GRIK2: variants seen among roughly 807,000 people sequenced by gnomAD.
GRIK2 encodes glutamate ionotropic receptor kainate type subunit 2, also known as glutamate receptor ionotropic, kainate 2.
GRIK2 carries 32 observed loss-of-function variants against 100.3 expected under a neutral mutation model. That is an observed-to-expected ratio of 0.32 (90% CI 0.24 to 0.43). The LOEUF is 0.43. Ranked by LOEUF, GRIK2 falls within the 20% of genes least tolerant of loss-of-function variation. GRIK2 has a pLI of 1.00. For synonymous variants in GRIK2, 417 were observed against 389.4 expected (o/e 1.07, Z -0.83); for missense variants, 843 against 1,114.9 (o/e 0.76, Z 3.47).
chr6:101,818,673 T>G (rs1372402269), intron 10 of GRIK2, among the ~76,000 whole-genome samples, 190 bp downstream of exon 10: 6 of 152,184 alleles, frequency 3.9e-5, no homozygotes, highest in African/African-American at 7.2e-5. Flanking sequence ...TAAATTGTAT[T>G]AACGTTTGGG....
chr6:101,652,653 G>T (rs1056004335), intron 4 of GRIK2, among the ~76,000 whole-genome samples: 3 of 152,118 alleles, frequency 2.0e-5, no homozygotes, highest in Non-Finnish European at 4.4e-5. Context: ...ATAACAGTAT[G>T]TTTATATTCT....
intron 2 of GRIK2, among the ~76,000 whole-genome samples, chr6:101,601,782 C>T (rs1216039723): frequency 6.6e-6 from 1 of 151,692 alleles, no homozygotes; most frequent in Non-Finnish European, 1.5e-5. Flanking sequence ...GTAATGCCAC[C>T]TTCGACATTT....
intron 2 of GRIK2, among the ~76,000 whole-genome samples, chr6:101,588,672 A>ACG (rs1554224628): frequency 6.3e-5 from 9 of 142,892 alleles, no homozygotes; most frequent in African/African-American, 2.2e-4. Flanking sequence ...GCACACGCAC[A>ACG]CACACACACA....
chr6:101,955,621 C>A (rs906288589), intron 14 of GRIK2, among the ~76,000 whole-genome samples: 3 of 115,678 alleles, frequency 2.6e-5, no homozygotes, highest in African/African-American at 1.1e-4. Context: ...TCTCTCCCCC[C>A]CATTTCTTTT....
At chr6:101,505,928 G>A (rs147458216) in intron 2 of GRIK2, among the ~76,000 whole-genome samples, 4 of 151,878 alleles carry the variant, frequency 2.6e-5, no homozygotes, top group Admixed American at 2.0e-4. Context: ...ATGCAAAAAG[G>A]CTTTAAATTT....
chr6:101,792,691 G>C lies in GRIK2; in HGVS notation c.952-6957G>C, dbSNP rs574362757. Among the ~76,000 whole-genome samples the C allele has an allele frequency of 4.8e-3, 737 of 152,154 alleles. 5 individuals are homozygous for C. The highest frequency in any genetic ancestry group is 0.016 in the African/African-American group (682 of 41,478). ...AAATCTGACAATTATGTGTCTTGGAGTTGCTCTTCTCGAGGAGTATCTTTG... is the reference window on the plus strand; with the variant it reads ...AAATCTGACAATTATGTGTCTTGGACTTGCTCTTCTCGAGGAGTATCTTTG... On this transcript the variant is annotated intron_variant, in intron 7 of 16. Coordinates refer to ENST00000369134, the MANE Select transcript of GRIK2 (RefSeq NM_021956.5).
At chr6:101,636,634 T>C (rs761066394) in intron 4 of GRIK2, among the ~76,000 whole-genome samples, 7 of 152,080 alleles carry the variant, frequency 4.6e-5, no homozygotes, top group Non-Finnish European at 1.0e-4. Context: ...AAAAATCAAA[T>C]TTTGAATCTG....
chr6:101,827,131 A>G (rs1335684499), intron 10 of GRIK2, among the ~76,000 whole-genome samples: 1 of 151,940 alleles, frequency 6.6e-6, no homozygotes, highest in African/African-American at 2.4e-5. Flanking sequence ...AGATTTTTGT[A>G]CATTTTGAAA....
chr6:101,627,341 C>A (rs1562270412), intron 4 of GRIK2, among the ~76,000 whole-genome samples: 2 of 152,078 alleles, frequency 1.3e-5, no homozygotes, highest in African/African-American at 2.4e-5. Flanking sequence ...AGGGTTTCAT[C>A]ATGTTGGCCA....
At chr6:101,904,876 G>T (rs568498360) in intron 12 of GRIK2, among the ~76,000 whole-genome samples, 1 of 151,368 alleles carries the variant, frequency 6.6e-6, no homozygotes, top group Non-Finnish European at 1.5e-5. Flanking sequence ...TAATTATGTA[G>T]ATTTTAATTT....
chr6:101,676,595 C>CTTT, intron 4 of GRIK2, 28 bp from the exon 5 acceptor site: 12 of 1,053,590 alleles, frequency 1.1e-5, no homozygotes, highest in South Asian at 5.3e-5. Context: ...CTCTAATATT[C>CTTT]TTTTTTTTTT....
intron 15 of GRIK2, among the ~76,000 whole-genome samples, chr6:102,053,066 TACAAAG>T (rs1771280645): frequency 6.7e-6 from 1 of 150,334 alleles, no homozygotes; most frequent in East Asian, 2.0e-4. Context: ...AGACTCTGTC[TACAAAG>T]ACAAACAACA....
At chr6:101,443,044 C>A (rs1217269738) in intron 2 of GRIK2, among the ~76,000 whole-genome samples, 3 of 152,088 alleles carry the variant, frequency 2.0e-5, no homozygotes, top group South Asian at 4.2e-4. Context: ...CACACTATTT[C>A]ATTTTTCTTA....
chr6:101,494,968 C>CATTT (rs1554209014), intron 2 of GRIK2, among the ~76,000 whole-genome samples: 1 of 48,372 alleles, frequency 2.1e-5, no homozygotes, highest in Non-Finnish European at 4.1e-5. Flanking sequence ...CCTATATATG[C>CATTT]ATTTATATAT....
At chr6:102,040,234 C>T (rs531905199) in intron 15 of GRIK2, among the ~76,000 whole-genome samples, 1 of 151,426 alleles carries the variant, frequency 6.6e-6, no homozygotes, top group East Asian at 2.0e-4. Flanking sequence ...ATAATTTTAG[C>T]CATACACAAA....
At chr6:101,673,871 C>T (rs778763497) in intron 4 of GRIK2, among the ~76,000 whole-genome samples, 2 of 152,076 alleles carry the variant, frequency 1.3e-5, no homozygotes, top group African/African-American at 2.4e-5. Context: ...GAAAGAATAA[C>T]CCCATTAAAA....
chr6:102,045,608 G>A (rs1275998955), intron 15 of GRIK2, among the ~76,000 whole-genome samples: 1 of 151,924 alleles, frequency 6.6e-6, no homozygotes, highest in Non-Finnish European at 1.5e-5. Context: ...GAAAAAAAAT[G>A]TACTAAAGAC....
chr6:101,895,063 AGTACTATTACATAAAAAT>A (rs1331025043), intron 12 of GRIK2, among the ~76,000 whole-genome samples: 1 of 151,812 alleles, frequency 6.6e-6, no homozygotes, highest in Non-Finnish European at 1.5e-5. Context: ...TTGCAATATG[AGTACTATTACATAAAAAT>A]GCATTAGGCT....
At chr6:101,698,610 T>C (rs1258323348) in intron 7 of GRIK2, among the ~76,000 whole-genome samples, 1 of 152,112 alleles carries the variant, frequency 6.6e-6, no homozygotes, top group Non-Finnish European at 1.5e-5. Context: ...AAACCTCCTA[T>C]GTATTGCTAT....
Sources: gnomAD v4.1 joint callset for allele counts (sites outside exome capture counted in the v4.1 genomes callset) on GRCh38, gnomAD v4.1.1 for gene constraint, MANE v1.5 for transcripts, NCBI Gene and HGNC (gene_info 2026-07-23, HGNC 2026-07-21) for gene names.